TRAF2: variants seen among roughly 807,000 people sequenced by gnomAD.
The protein encoded by TRAF2 is TNF receptor associated factor 2.
Under a neutral mutation model 55.6 loss-of-function variants are expected in TRAF2, and 6 were observed. That is an observed-to-expected ratio of 0.11 (90% CI 0.06 to 0.21). The LOEUF (loss-of-function observed/expected upper bound fraction) is 0.21, where lower values mean the gene tolerates loss of function less well. TRAF2 is among the 10% of genes least tolerant of loss of function. The probability of loss-of-function intolerance (pLI) is 1.00; values close to 1 mark genes in which losing one functional copy is unlikely to be tolerated. For synonymous variants in TRAF2, 329 were observed against 276.3 expected (o/e 1.19, Z -1.89); for missense variants, 561 against 684.5 (o/e 0.82, Z 2.01).
intron 7 of TRAF2, among the ~76,000 whole-genome samples, chr9:136,918,191 T>A (rs1850285146): frequency 6.7e-6 from 1 of 149,840 alleles, no homozygotes; most frequent in South Asian, 2.1e-4. Flanking sequence ...TAGGTCCATT[T>A]GTTTCTTTTA....
At chr9:136,891,114 G>A (rs1405868101) in intron 1 of TRAF2, among the ~76,000 whole-genome samples, 2 of 151,972 alleles carry the variant, frequency 1.3e-5, no homozygotes, top group African/African-American at 4.8e-5. Flanking sequence ...GTTTTTTTAT[G>A]TGTGTTTTGT....
chr9:136,900,039 C>T (rs946480003), intron 3 of TRAF2, among the ~76,000 whole-genome samples: 12 of 152,018 alleles, frequency 7.9e-5, no homozygotes, highest in Non-Finnish European at 1.2e-4. Flanking sequence ...TGGTGGCGCA[C>T]GCCTATAGTC....
Position 136,898,934 on chromosome 9 carries a change from T to C in TRAF2, c.188+6T>C. On this transcript the variant is annotated splice_donor_region_variant and intron_variant, in intron 2 of 10. Coordinates refer to ENST00000247668, the MANE Select transcript of TRAF2 (RefSeq NM_021138.4). ...TGCCTGGCCAGCATCCTCAGGTGCATGGGGCCTGCAGGCTGGGAGGAGGGG... is the reference window on the plus strand; with the variant it reads ...TGCCTGGCCAGCATCCTCAGGTGCACGGGGCCTGCAGGCTGGGAGGAGGGG... 6.3e-7 allele frequency: 1 copy of C among 1,599,582 alleles called. No individual in the cohort carries two copies. Among genetic ancestry groups the C allele is most frequent in the Non-Finnish European group, 8.5e-7 (1 of 1,174,034 alleles).
chr9:136,900,638 C>T, intron 4 of TRAF2, 118 bp downstream of exon 4: 1 of 825,096 alleles, frequency 1.2e-6, no homozygotes, highest in South Asian at 1.4e-5. Flanking sequence ...TGAAGCCTGT[C>T]TGATGTCTGT....
At chr9:136,914,819 G>A (rs1850202065) in intron 6 of TRAF2, among the ~76,000 whole-genome samples, 2 of 151,972 alleles carry the variant, frequency 1.3e-5, no homozygotes, top group African/African-American at 2.4e-5. Context: ...CTGGGCAGGC[G>A]GCTGTCTCAG....
At chr9:136,884,074 CG>C (rs1436429156), upstream of TRAF2, among the ~76,000 whole-genome samples, 2 of 151,838 alleles carry the variant, frequency 1.3e-5, no homozygotes, top group Non-Finnish European at 1.5e-5. Flanking sequence ...CTGCCCACCT[CG>C]GCCTCCCAAA....
Position 136,917,854 on chromosome 9 carries a change from G to A in TRAF2, c.678+1239G>A, listed in dbSNP as rs537244095. ...TCTAGGAAGCCCAGGCTTCCCGTGC[G>A]GGAGGTTGCGTAGTGACCACCCGGG... On this transcript the variant is annotated intron_variant, in intron 7 of 10. Coordinates refer to ENST00000247668, the MANE Select transcript of TRAF2 (RefSeq NM_021138.4). 2.4e-4 allele frequency among the ~76,000 whole-genome samples: 36 copies of A among 152,256 alleles called. 1 individual carries two copies. Among genetic ancestry groups the A allele is most frequent in the Admixed American group, 1.3e-3 (20 of 15,288 alleles).
chr9:136,920,995 G>A (rs372881784), intron 8 of TRAF2, 43 bp from the exon 9 acceptor site: 72 of 1,603,344 alleles, frequency 4.5e-5, no homozygotes, highest in Non-Finnish European at 5.9e-5. Context: ...GCTCGTGCCC[G>A]CACCCCTCCT....
chr9:136,906,603 A>C (rs951357585), intron 4 of TRAF2, among the ~76,000 whole-genome samples: 4 of 152,216 alleles, frequency 2.6e-5, no homozygotes, highest in African/African-American at 9.6e-5. Flanking sequence ...GGGTGGGGAC[A>C]CAGCCAAACC....
At chr9:136,924,804 A>C (rs1850481706) in intron 10 of TRAF2, among the ~76,000 whole-genome samples, 1 of 151,690 alleles carries the variant, frequency 6.6e-6, no homozygotes, top group South Asian at 2.1e-4. Context: ...CAGTGGCATG[A>C]TCTCGGCTCA....
intron 6 of TRAF2, among the ~76,000 whole-genome samples, chr9:136,912,666 G>A (rs888939374): frequency 2.0e-4 from 31 of 151,996 alleles, no homozygotes; most frequent in African/African-American, 7.5e-4. Context: ...GTGAAACTCC[G>A]TCTCTACTGA....
At chr9:136,891,408 AT>A (rs1341878145) in intron 1 of TRAF2, among the ~76,000 whole-genome samples, 1 of 149,160 alleles carries the variant, frequency 6.7e-6, no homozygotes, top group Admixed American at 6.6e-5. Flanking sequence ...GCGCCCAGCC[AT>A]TTTTTTGTGT....
intron 7 of TRAF2, among the ~76,000 whole-genome samples, chr9:136,918,637 A>G (rs1281038111): frequency 6.6e-6 from 1 of 152,102 alleles, no homozygotes; most frequent in African/African-American, 2.4e-5. Flanking sequence ...TTGCAAAGTC[A>G]AGTCTATAAA....
At chr9:136,908,033 C>T (rs777951751) in intron 4 of TRAF2, 37 bp from the exon 5 acceptor site, 16 of 1,573,272 alleles carry the variant, frequency 1.0e-5, no homozygotes, top group South Asian at 4.6e-5. Flanking sequence ...AAATGTCCCA[C>T]GCGAGTTCTA....
intron 1 of TRAF2, among the ~76,000 whole-genome samples, chr9:136,891,830 T>C (rs1259909304): frequency 1.3e-5 from 2 of 151,244 alleles, no homozygotes; most frequent in Non-Finnish European, 2.9e-5. Flanking sequence ...CAAGCGATTC[T>C]CCTGCCTCAG....
chr9:136,918,520 C>T (rs950448247), intron 7 of TRAF2, among the ~76,000 whole-genome samples: 1 of 151,822 alleles, frequency 6.6e-6, no homozygotes, highest in South Asian at 2.1e-4. Flanking sequence ...GAACTTCTGA[C>T]CTCAAGTGAT....
intron 1 of TRAF2, among the ~76,000 whole-genome samples, chr9:136,891,882 C>G (rs953623873): frequency 6.6e-6 from 1 of 151,832 alleles, no homozygotes; most frequent in Non-Finnish European, 1.5e-5. Context: ...CCACTGCACT[C>G]GGCTAATTTT....
chr9:136,882,662 G>A (rs770724486), upstream of TRAF2: 41 of 985,548 alleles, frequency 4.2e-5, no homozygotes, highest in South Asian at 4.7e-5. Flanking sequence ...CTTTCTTTTC[G>A]GCAGGAAGGA....
chr9:136,909,895 A>G, intron 5 of TRAF2, 25 bp from the exon 6 acceptor site: 1 of 1,613,746 alleles, frequency 6.2e-7, no homozygotes, highest in Non-Finnish European at 8.5e-7. Flanking sequence ...GTCCACCCTC[A>G]CACTCCTGAT....
Sources: gnomAD v4.1 joint callset for allele counts (sites outside exome capture counted in the v4.1 genomes callset) on GRCh38, gnomAD v4.1.1 for gene constraint, MANE v1.5 for transcripts, NCBI Gene and HGNC (gene_info 2026-07-23, HGNC 2026-07-21) for gene names.